Variants in IFT80 observed in about 807,000 individuals in gnomAD.
IFT80 encodes intraflagellar transport protein 80 homolog.
Under a neutral mutation model 107.9 loss-of-function variants are expected in IFT80, and 79 were observed. The observed-to-expected ratio is 0.73, with a 90% CI of 0.61 to 0.88. The LOEUF (loss-of-function observed/expected upper bound fraction) is 0.88, where lower values mean the gene tolerates loss of function less well. Ranked by LOEUF, IFT80 falls within the 40% of genes least tolerant of loss-of-function variation. IFT80 has a pLI of 0.00. For synonymous variants in IFT80, 299 were observed against 300.9 expected (o/e 0.99, Z 0.07); for missense variants, 797 against 914.2 (o/e 0.87, Z 1.65).
intron 18 of IFT80, among the ~76,000 whole-genome samples, chr3:160,274,875 G>A (rs928456135): frequency 6.6e-6 from 1 of 152,180 alleles, no homozygotes; most frequent in African/African-American, 2.4e-5. Context: ...AGCCGAGATC[G>A]TGCCGCCGCA....
At chr3:160,370,734 G>A (rs1048805461) in intron 5 of IFT80, among the ~76,000 whole-genome samples, 16 of 152,204 alleles carry the variant, frequency 1.1e-4, no homozygotes, top group Admixed American at 3.9e-4. Context: ...AGAGCTTCAA[G>A]TTCTACATAT....
chr3:160,391,364 T>C (rs748860860), intron 1 of IFT80, among the ~76,000 whole-genome samples: 1 of 152,138 alleles, frequency 6.6e-6, no homozygotes, highest in Non-Finnish European at 1.5e-5. Context: ...ACCCATTTCA[T>C]TACTTCTTAT....
intron 3 of IFT80, among the ~76,000 whole-genome samples, chr3:160,378,413 A>C (rs1712208179): frequency 6.6e-6 from 1 of 152,082 alleles, no homozygotes; most frequent in South Asian, 2.1e-4. Flanking sequence ...TTATATTCAC[A>C]GTTCTTAGCT....
At chr3:160,274,070 C>T (rs553922202) in intron 18 of IFT80, among the ~76,000 whole-genome samples, 19 of 152,056 alleles carry the variant, frequency 1.2e-4, no homozygotes, top group African/African-American at 3.1e-4. Context: ...GGGGGGCATG[C>T]GGGGAACAGG....
rs559590763 is a variant in IFT80, at chr3:160,374,401, G to A, written c.439+1411C>T. ...TCCAGTCGGGAGACAGAGCAAGACC[G>A]TCTAAAAAAAAAAAAAGAAAAAAGA... On this transcript the variant is annotated intron_variant, in intron 5 of 19. Coordinates refer to ENST00000326448, the MANE Select transcript of IFT80 (RefSeq NM_020800.3). Among the ~76,000 whole-genome samples the A allele has an allele frequency of 4.8e-5, 7 of 147,040 alleles. 1 individual carries two copies. The highest frequency in any genetic ancestry group is 6.8e-3 in the Middle Eastern group (2 of 292).
At chr3:160,283,341 A>G (rs985261643) in intron 13 of IFT80, among the ~76,000 whole-genome samples, 1 of 152,184 alleles carries the variant, frequency 6.6e-6, no homozygotes, top group Non-Finnish European at 1.5e-5. Flanking sequence ...TACCTCCTAC[A>G]ATGTCTGAAG....
At chr3:160,307,433 G>A (rs370550365) in intron 10 of IFT80, among the ~76,000 whole-genome samples, 4 of 152,330 alleles carry the variant, frequency 2.6e-5, no homozygotes, top group African/African-American at 9.6e-5. Context: ...ACAAGCATGA[G>A]CCATTGCGCC....
rs562095058 is a variant in IFT80 at position 160,313,670 on chromosome 3, C to T, written c.958-5889G>A. ...TGTCACCCAGGCTGGAGTGCAGTGG[C>T]GTGATCTCAGCCCACTGCAACCTCT... On this transcript the variant is annotated intron_variant, in intron 9 of 19. Coordinates refer to ENST00000326448, the MANE Select transcript of IFT80 (RefSeq NM_020800.3). 8.7e-4 allele frequency among the ~76,000 whole-genome samples: 129 copies of T among 148,744 alleles called. 1 individual carries two copies. In the South Asian group the frequency reaches 0.026, roughly 30 times the overall value.
chr3:160,316,091 A>G (rs1279552116), intron 9 of IFT80, among the ~76,000 whole-genome samples: 1 of 152,090 alleles, frequency 6.6e-6, no homozygotes, highest in Admixed American at 6.6e-5. Flanking sequence ...ATGAGATGTC[A>G]CTTCTGAGCT....
In IFT80 at chr3:160,279,329, A is replaced by G. The variant is rs1368818345; in HGVS notation, c.1700T>C (p.Val567Ala). 2 of 1,613,438 alleles carry G rather than the reference A, an allele frequency of 1.2e-6. No homozygotes were observed. Among genetic ancestry groups the G allele is most frequent in the East Asian group, 2.2e-5 (1 of 44,846 alleles). ...FSKNPHIVSF[V>A]GNQVTIRRAD... is the part of the protein sequence containing the mutation. ...TCTTCTAATAGTTACTTGATTTCCAACAAAACTCACAATATGGGGATTTTT... is the reference window on the plus strand; with the variant it reads ...TCTTCTAATAGTTACTTGATTTCCAGCAAAACTCACAATATGGGGATTTTT... The change falls in exon 16 of 20, where the codon GTT (valine) becomes GCT (alanine). Residue 567 changes from valine to alanine, a missense_variant. Coordinates refer to ENST00000326448, the MANE Select transcript of IFT80 (RefSeq NM_020800.3).
At chr3:160,377,824 T>A in intron 3 of IFT80, 1 of 234,904 alleles carries the variant, frequency 4.3e-6, no homozygotes, top group Non-Finnish European at 8.2e-6. Flanking sequence ...GTTAATACAA[T>A]TTAAATACCT....
At position 160,354,661 on chromosome 3, in the gene IFT80, AT is replaced by A. The variant is rs554911808; in HGVS notation, c.777+1351del. On this transcript the variant is annotated intron_variant, in intron 8 of 19. Transcript: ENST00000326448. ...GAGCAAGGCTCCGTCTCAAAAATAA[AT>A]AAATAAATAAAATAAAATAAAAAGA... Among the ~76,000 whole-genome samples, 479 of 152,280 alleles carry A rather than the reference AT, an allele frequency of 3.1e-3. 2 individuals are homozygous for A. The highest frequency in any genetic ancestry group is 0.011 in the African/African-American group (460 of 41,552).
At chr3:160,356,268 T>A in intron 7 of IFT80, 118 bp from the exon 8 acceptor site, 1 of 848,968 alleles carries the variant, frequency 1.2e-6, no homozygotes, top group Non-Finnish European at 1.8e-6. Flanking sequence ...TAAAAACAAG[T>A]TTGTCTTCCA....
At position 160,268,673 on chromosome 3, in the gene IFT80, A is replaced by G. The variant is rs150475557; in HGVS notation, c.2100-137T>C. ...AATATGAAATACCATTTTCTACCTC[A>G]TCCATCTTGCAAATTCCTACTTATA... On this transcript the variant is annotated intron_variant, in intron 18 of 19. Transcript: ENST00000326448. 1.0e-4 allele frequency: 86 copies of G among 841,082 alleles called. No individual in the cohort carries two copies. In the East Asian group the frequency reaches 2.2e-3, roughly 21 times the overall value. The allele number at this position is 841,082 out of a possible 1,614,324, so 52.1% of individuals were successfully genotyped here. A position where few individuals can be genotyped will look rare whatever the true frequency, so the allele number is the denominator to read the frequency against.
At chr3:160,396,572 G>A (rs761770338) in intron 1 of IFT80, among the ~76,000 whole-genome samples, 1 of 151,950 alleles carries the variant, frequency 6.6e-6, no homozygotes, top group African/African-American at 2.4e-5. Context: ...TCTTCCTGTG[G>A]GGTATAATTT....
In IFT80 at chr3:160,381,681, C is replaced by T; in HGVS notation, c.81G>A (p.Glu27=). Residue 27 remains glutamate (E), a synonymous_variant, in exon 3 of 20, where the codon GAG becomes GAA. Coordinates refer to ENST00000326448, the MANE Select transcript of IFT80 (RefSeq NM_020800.3). ...VSCVGWTTAE[E]LYSCSDDHQI... ...GGTGATCATCACTACATGAATACAGCTCTTCAGCAGTAGTCCAGCCCACAC... is the reference window on the plus strand; with the variant it reads ...GGTGATCATCACTACATGAATACAGTTCTTCAGCAGTAGTCCAGCCCACAC... The T allele has an allele frequency of 6.2e-7, 1 of 1,612,180 alleles. No homozygotes were observed. Among genetic ancestry groups the T allele is most frequent in the Non-Finnish European group, 8.5e-7 (1 of 1,179,930 alleles).
intron 8 of IFT80, among the ~76,000 whole-genome samples, chr3:160,338,943 T>A (rs981506822): frequency 3.9e-5 from 6 of 152,124 alleles, no homozygotes; most frequent in African/African-American, 1.4e-4. Flanking sequence ...TAACAAAAGA[T>A]AGATTAAAAA....
chr3:160,377,143 G>A (rs183356910), intron 4 of IFT80, among the ~76,000 whole-genome samples: 147 of 152,300 alleles, frequency 9.7e-4, no homozygotes, highest in Admixed American at 2.3e-3. Context: ...TCAGTTAAAT[G>A]AGAATATTTG....
intron 19 of IFT80, among the ~76,000 whole-genome samples, chr3:160,264,083 T>C (rs1230751885): frequency 6.6e-6 from 1 of 151,868 alleles, no homozygotes; most frequent in East Asian, 2.0e-4. Context: ...ATTACAGGCT[T>C]GAGCCACTGC....
Sources: gnomAD v4.1 joint callset for allele counts (sites outside exome capture counted in the v4.1 genomes callset) on GRCh38, gnomAD v4.1.1 for gene constraint, MANE v1.5 for transcripts, NCBI Gene and HGNC (gene_info 2026-07-23, HGNC 2026-07-21) for gene names.